The following NT5M variants were observed in gnomAD, a reference collection of about 807,000 sequenced individuals.
NT5M encodes 5'(3')-deoxyribonucleotidase, mitochondrial.
A neutral mutation model predicts 22.2 loss-of-function variants in NT5M; 22 were observed. The ratio of observed to expected loss-of-function variants is 0.99; its 90% CI spans 0.71 to 1.41. The LOEUF (loss-of-function observed/expected upper bound fraction) is 1.41, where lower values mean the gene tolerates loss of function less well. Among genes scored for constraint, NT5M ranks in the 40% most tolerant of loss-of-function variants. The probability of loss-of-function intolerance (pLI) is 0.00; values close to 1 mark genes in which losing one functional copy is unlikely to be tolerated. For synonymous variants in NT5M, 167 were observed against 133.0 expected (o/e 1.26, Z -1.76); for missense variants, 322 against 314.8 (o/e 1.02, Z -0.17).
At chr17:17,344,210 G>A (rs3826302) in intron 3 of NT5M, among the ~76,000 whole-genome samples, 52,593 of 152,024 alleles carry the variant, frequency 0.35, 10,123 homozygotes, top group East Asian at 0.47. Context: ...TGTGCTAGGG[G>A]TGCCCCTGTG....
intron 2 of NT5M, among the ~76,000 whole-genome samples, chr17:17,315,918 AT>A (rs1199952874): frequency 6.7e-6 from 1 of 149,714 alleles, no homozygotes; most frequent in Non-Finnish European, 1.5e-5. Flanking sequence ...CGCCCGGCTA[AT>A]TTTTTTTTGT....
At chr17:17,304,502 A>G in intron 1 of NT5M, 1 of 926,086 alleles carries the variant, frequency 1.1e-6, no homozygotes, top group Non-Finnish European at 1.3e-6. Context: ...AGTATTTTGC[A>G]AAAGGAACAG....
chr17:17,309,699 A>G (rs2048884520), intron 2 of NT5M, among the ~76,000 whole-genome samples: 1 of 140,926 alleles, frequency 7.1e-6, no homozygotes. Flanking sequence ...TTTTTTTGAG[A>G]CAGAGTTTTT....
intron 1 of NT5M, among the ~76,000 whole-genome samples, chr17:17,305,572 A>C (rs776117613): frequency 5.9e-5 from 9 of 151,834 alleles, no homozygotes; most frequent in Non-Finnish European, 1.2e-4. Context: ...GGTTCCTGAG[A>C]GTGTTGCTGG....
At chr17:17,303,852 CT>C in intron 1 of NT5M, 35 bp downstream of exon 1, 1 of 1,346,180 alleles carries the variant, frequency 7.4e-7, no homozygotes, top group Non-Finnish European at 9.6e-7. Context: ...GCCGGGCCTC[CT>C]TCTCGCCCCG....
intron 1 of NT5M, 22 bp downstream of exon 1, chr17:17,303,839 C>T (rs1354992435): frequency 1.5e-6 from 2 of 1,371,082 alleles, no homozygotes; most frequent in Admixed American, 2.9e-5. Flanking sequence ...CGCCCCGCCC[C>T]GCGCCGGGCC....
At chr17:17,336,084 ACT>A (rs1251009795) in intron 3 of NT5M, among the ~76,000 whole-genome samples, 3 of 134,898 alleles carry the variant, frequency 2.2e-5, no homozygotes, top group Non-Finnish European at 4.9e-5. Context: ...CTCACTGCAA[ACT>A]CTGCCTCCTG....
At chr17:17,330,633 C>A (rs1029862638) in intron 3 of NT5M, among the ~76,000 whole-genome samples, 1 of 152,076 alleles carries the variant, frequency 6.6e-6, no homozygotes, top group African/African-American at 2.4e-5. Flanking sequence ...GCCTCAGCCC[C>A]GCAAAGTGCT....
chr17:17,306,166 G>A (rs1314381451), intron 1 of NT5M, among the ~76,000 whole-genome samples: 3 of 151,930 alleles, frequency 2.0e-5, no homozygotes, highest in African/African-American at 7.3e-5. Context: ...CAAGTTTAAG[G>A]ACTCTACTAC....
chr17:17,307,945 G>A (rs1039420602), intron 2 of NT5M, among the ~76,000 whole-genome samples: 5 of 152,092 alleles, frequency 3.3e-5, no homozygotes, highest in South Asian at 2.1e-4. Context: ...AGCTACTTAG[G>A]AGGCTGAAGC....
chr17:17,346,660 AGGC>A, intron 4 of NT5M, 142 bp from the exon 5 acceptor site: 1 of 875,794 alleles, frequency 1.1e-6, no homozygotes, highest in East Asian at 2.6e-5. Flanking sequence ...CCCGCTGCGA[AGGC>A]GGGTGTGCGT....
At chr17:17,308,289 T>C (rs933839578) in intron 2 of NT5M, among the ~76,000 whole-genome samples, 2 of 152,120 alleles carry the variant, frequency 1.3e-5, no homozygotes, top group African/African-American at 4.8e-5. Context: ...AACAGCCTTA[T>C]TGACATATAA....
intron 2 of NT5M, among the ~76,000 whole-genome samples, chr17:17,311,161 C>T (rs930983433): frequency 3.9e-5 from 6 of 152,008 alleles, no homozygotes; most frequent in East Asian, 1.9e-4. Context: ...ACGGTGAAAC[C>T]CTGTCTCTAC....
rs772910614 is a variant in NT5M at position 17,344,921 on chromosome 17, C to CG, written c.544+14dup. On this transcript the variant is annotated intron_variant, in intron 4 of 4. Coordinates refer to ENST00000389022, the MANE Select transcript of NT5M (RefSeq NM_020201.4). ...CCGGACATCACAGGCAAGTGGCCTGCGACAGGTGAGGAGCACGTGGGGAGG... is the reference window on the plus strand; with the variant it reads ...CCGGACATCACAGGCAAGTGGCCTGCGGACAGGTGAGGAGCACGTGGGGAGG... The CG allele has an allele frequency of 1.2e-6, 2 of 1,613,958 alleles. No individual in the cohort carries two copies.
intron 3 of NT5M, among the ~76,000 whole-genome samples, chr17:17,333,016 T>C (rs1203540113): frequency 2.0e-5 from 3 of 152,152 alleles, no homozygotes; most frequent in Non-Finnish European, 2.9e-5. Context: ...TTGTCAGCAT[T>C]TGGTATTGTC....
intron 2 of NT5M, among the ~76,000 whole-genome samples, chr17:17,321,671 A>G (rs139066841): frequency 0.01 from 1,588 of 151,968 alleles, 28 homozygotes; most frequent in African/African-American, 0.036. Context: ...TTCTCCGGCA[A>G]CATTTAGTTG....
chr17:17,345,189 A>C, intron 4 of NT5M: 2 of 1,157,646 alleles, frequency 1.7e-6, no homozygotes, highest in Non-Finnish European at 1.1e-6. Context: ...CTCATGTAAC[A>C]TGGGGACTCA....
At chr17:17,307,058 C>T (rs1291506275) in intron 2 of NT5M, among the ~76,000 whole-genome samples, 1 of 152,040 alleles carries the variant, frequency 6.6e-6, no homozygotes, top group African/African-American at 2.4e-5. Flanking sequence ...GTTAGCCGGG[C>T]ATGGTGGCAC....
chr17:17,345,925 C>T (rs944939403), intron 4 of NT5M, among the ~76,000 whole-genome samples: 6 of 152,200 alleles, frequency 3.9e-5, no homozygotes, highest in Non-Finnish European at 5.9e-5. Context: ...TGAAACTGCC[C>T]GTGAGTGTTG....
Sources: gnomAD v4.1 joint callset for allele counts (sites outside exome capture counted in the v4.1 genomes callset) on GRCh38, gnomAD v4.1.1 for gene constraint, MANE v1.5 for transcripts, NCBI Gene and HGNC (gene_info 2026-07-23, HGNC 2026-07-21) for gene names.